Variants in RASGRF1 observed in about 807,000 individuals in gnomAD.
The protein encoded by RASGRF1 is Ras protein specific guanine nucleotide releasing factor 1.
Under a neutral mutation model 138.7 loss-of-function variants are expected in RASGRF1, and 40 were observed. That is an observed-to-expected ratio of 0.29 (90% CI 0.22 to 0.38). RASGRF1 has a LOEUF of 0.38. RASGRF1 is among the 10% of genes least tolerant of loss of function. RASGRF1 has a pLI of 1.00. For missense variants in RASGRF1, 1,108 were observed against 1,650.4 expected, an observed-to-expected ratio of 0.67 and a Z score of 5.69; for synonymous variants, 614 against 663.2, an observed-to-expected ratio of 0.93 and a Z score of 1.14.
chr15:78,988,405 TTA>T (rs1392062456), intron 22 of RASGRF1, among the ~76,000 whole-genome samples: 1 of 152,118 alleles, frequency 6.6e-6, no homozygotes, highest in Non-Finnish European at 1.5e-5. Context: ...CTCTGTCAGG[TTA>T]TGTTTCCCGA....
rs1390495758 is a variant in RASGRF1, at chr15:78,998,167, G to A, written c.2895C>T (p.Gly965=). 5.6e-6 allele frequency: 9 copies of A among 1,614,158 alleles called. No homozygotes were observed. Among genetic ancestry groups the A allele is most frequent in the African/African-American group, 5.3e-5 (4 of 75,044 alleles). The stretch of plus-strand genomic sequence containing the variant: ...GGTCGTGCATGACTTCTTCCAGGAA[G>A]CCGATCACCTTGCATTTGAGCTCAT... ...TNDELKCKVI[G]FLEEVMHDPE... is the part of the protein sequence containing the mutation. The change falls in exon 19 of 27, where the codon GGC becomes GGT. Residue 965 remains glycine (G), a synonymous_variant. Coordinates refer to ENST00000558480, the MANE Select transcript of RASGRF1 (RefSeq NM_001145648.3).
Position 79,032,246 on chromosome 15 carries a change from G to A in RASGRF1, c.1029C>T (p.Ser343=). 6.2e-7 allele frequency: 1 copy of A among 1,614,086 alleles called. No individual in the cohort carries two copies. ...YQEFVRNHQY[S]LQILAHCKQN... is the part of the protein sequence containing the mutation. ...GCTTGCAGTGGGCCAGGATCTGCAG[G>A]CTGTACTGGTGGTTGCGGACGAACT... The change falls in exon 7 of 27, where the codon AGC becomes AGT. Residue 343 remains serine (S), a synonymous_variant. Coordinates refer to ENST00000558480, the MANE Select transcript of RASGRF1 (RefSeq NM_001145648.3). The surrounding 1 kb of genome is among the most constrained non-coding windows in gnomAD (Gnocchi z 4.5).
intron 12 of RASGRF1, among the ~76,000 whole-genome samples, chr15:79,016,218 G>A (rs981111343): frequency 6.6e-6 from 1 of 152,218 alleles, no homozygotes; most frequent in Non-Finnish European, 1.5e-5. Context: ...TTTTGAGAAT[G>A]TGTGTGTTGC....
At chr15:79,063,010 C>A (rs2057629062) in intron 2 of RASGRF1, among the ~76,000 whole-genome samples, 1 of 152,172 alleles carries the variant, frequency 6.6e-6, no homozygotes, top group Non-Finnish European at 1.5e-5. Flanking sequence ...TTAAGTCTGA[C>A]TCCCAATCCC....
chr15:79,053,649 T>C (rs2057463538), intron 3 of RASGRF1, among the ~76,000 whole-genome samples: 1 of 152,144 alleles, frequency 6.6e-6, no homozygotes, highest in African/African-American at 2.4e-5. Flanking sequence ...CAGCAGTGGA[T>C]TGATTGTTTT....
Position 79,046,949 on chromosome 15 carries a change from G to C in RASGRF1, c.675C>G (p.Ile225Met). 1.2e-6 allele frequency: 2 copies of C among 1,613,934 alleles called. No individual in the cohort carries two copies. The highest frequency in any genetic ancestry group is 1.7e-6 in the Non-Finnish European group (2 of 1,179,930). ...GWLCRRKWKT[I>M]IQDYIRSPHA... ...GGGGTGACCGGATGTAGTCCTGGATGATGGTCTTCCACTTCCGCCGGCACA... is the reference window on the plus strand; with the variant it reads ...GGGGTGACCGGATGTAGTCCTGGATCATGGTCTTCCACTTCCGCCGGCACA... The change falls in exon 5 of 27, where the codon ATC becomes ATG. Residue 225 changes from isoleucine to methionine, a missense_variant. Ile to Met is a conservative substitution (Grantham distance 10). Around this residue, in one of 3 missense-constraint regions of RASGRF1, gnomAD observed 253 missense variants for 329.5 expected, o/e 0.77. Transcript: ENST00000558480. This position sits in a 1 kb window ranked among gnomAD's most constrained non-coding sequence, Gnocchi z 5.3.
chr15:79,047,733 G>GAC (rs144913729), intron 4 of RASGRF1, among the ~76,000 whole-genome samples: 4 of 151,980 alleles, frequency 2.6e-5, no homozygotes, highest in Admixed American at 6.6e-5. Flanking sequence ...GGCCTTGATT[G>GAC]ACACACACAC....
chr15:79,081,210 G>A (rs1317815119), intron 1 of RASGRF1, among the ~76,000 whole-genome samples: 1 of 152,236 alleles, frequency 6.6e-6, no homozygotes, highest in Non-Finnish European at 1.5e-5. Flanking sequence ...AGGGCATGGG[G>A]CTGCAGAGTC....
At chr15:79,016,323 C>T (rs1280107544) in intron 12 of RASGRF1, among the ~76,000 whole-genome samples, 1 of 152,360 alleles carries the variant, frequency 6.6e-6, no homozygotes, top group Non-Finnish European at 1.5e-5. Flanking sequence ...GGCAAGGCCA[C>T]GACCCCAAAG....
At chr15:78,977,230 T>C (rs547830504) in intron 24 of RASGRF1, among the ~76,000 whole-genome samples, 21 of 152,238 alleles carry the variant, frequency 1.4e-4, no homozygotes, top group African/African-American at 4.8e-4. Context: ...GCCCTGGCTG[T>C]GGGATGGGCT....
intron 17 of RASGRF1, 39 bp from the exon 18 acceptor site, chr15:78,998,864 A>G: frequency 6.6e-7 from 1 of 1,523,192 alleles, no homozygotes; most frequent in African/African-American, 1.4e-5. Flanking sequence ...AGGACAGGTG[A>G]GGACAAGAAA....
chr15:79,017,268 G>C (rs1450717260), intron 12 of RASGRF1, among the ~76,000 whole-genome samples: 1 of 152,200 alleles, frequency 6.6e-6, no homozygotes, highest in African/African-American at 2.4e-5. Flanking sequence ...CATAATTGAG[G>C]CTGGGTTTGA....
rs755533934 is a variant in RASGRF1, at chr15:79,006,247, T to C, written c.2014A>G (p.Ile672Val). ...GTAATGAGCTTGTCCAGGACCACGA[T>C]GGCGGTGGTGAAGACGCGGTAGGAG... ...LHSYRVFTTA[I>V]VVLDKLITIY... The change falls in exon 14 of 27, where the codon ATC becomes GTC. Residue 672 changes from isoleucine (I) to valine (V), a missense_variant. Around this residue, in one of 3 missense-constraint regions of RASGRF1, gnomAD observed 686 missense variants for 976.7 expected, o/e 0.70. Coordinates refer to ENST00000558480, the MANE Select transcript of RASGRF1 (RefSeq NM_001145648.3). The surrounding 1 kb of genome is among the most constrained non-coding windows in gnomAD (Gnocchi z 4.0). 1.7e-5 allele frequency: 27 copies of C among 1,614,040 alleles called. No homozygotes were observed. Among genetic ancestry groups the C allele is most frequent in the African/African-American group, 2.7e-5 (2 of 74,908 alleles).
rs892241385 is a variant in RASGRF1 at position 79,090,594 on chromosome 15, C to T, written c.-96G>A. On this transcript the variant is annotated 5_prime_UTR_variant, in exon 1 of 27. Coordinates refer to ENST00000558480, the MANE Select transcript of RASGRF1 (RefSeq NM_001145648.3). ...CTGCGCGCTGCCTCTCTCTGGCGCT[C>T]GCTCGCTCGCTCCCTCTAGCTCTCC... is the stretch of plus-strand genomic sequence containing the variant. 1 of 1,518,508 alleles carries T rather than the reference C, an allele frequency of 6.6e-7. No homozygotes were observed. Among genetic ancestry groups the T allele is most frequent in the Admixed American group, 1.8e-5 (1 of 56,288 alleles). 94.1% of individuals were successfully genotyped at this position (1,518,508 alleles called of 1,614,324 possible).
chr15:78,984,817 T>C, intron 23 of RASGRF1, 190 bp downstream of exon 23: 1 of 639,876 alleles, frequency 1.6e-6, no homozygotes, highest in South Asian at 1.8e-5. Context: ...CAGGTCTCAC[T>C]GCCATATCTG....
At chr15:79,055,006 T>C (rs993896071) in intron 3 of RASGRF1, among the ~76,000 whole-genome samples, 2 of 152,112 alleles carry the variant, frequency 1.3e-5, no homozygotes, top group Admixed American at 6.5e-5. Flanking sequence ...CAGGCAACAC[T>C]GTCATTCCTG....
rs1024924065 is a variant in RASGRF1, at chr15:79,073,493, G to C, written c.277-8967C>G. Among the ~76,000 whole-genome samples, 1 of 152,124 alleles carries C rather than the reference G, an allele frequency of 6.6e-6. No homozygotes were observed. The highest frequency in any genetic ancestry group is 1.5e-5 in the Non-Finnish European group (1 of 68,028). On this transcript the variant is annotated intron_variant, in intron 1 of 26. Coordinates refer to ENST00000558480, the MANE Select transcript of RASGRF1 (RefSeq NM_001145648.3). This position sits in a 1 kb window ranked among gnomAD's most constrained non-coding sequence, Gnocchi z 4.2. ...AGCTATAAGGAGACCACCTGGAGTC[G>C]GGGTTGTGAGAGACGAGAAGGGCAG...
intron 1 of RASGRF1, among the ~76,000 whole-genome samples, chr15:79,070,181 T>C (rs2057736185): frequency 6.6e-6 from 1 of 152,286 alleles, no homozygotes; most frequent in Admixed American, 6.5e-5. Flanking sequence ...GGGATATGCT[T>C]GTGTGTCCCG....
chr15:78,999,822 G>A lies in RASGRF1; in HGVS notation c.2667C>T (p.Ala889=), dbSNP rs780123164. The change falls in exon 17 of 27, where the codon GCC becomes GCT. Residue 889 remains alanine, a synonymous_variant. Coordinates refer to ENST00000558480, the MANE Select transcript of RASGRF1 (RefSeq NM_001145648.3). Reference sequence around the variant, plus strand: ...TGGCCCCGGCGGTTGCTATGGCAAAGGCAGAGGCGGCCGACAAGGCACTGC... The same window carrying A: ...TGGCCCCGGCGGTTGCTATGGCAAAAGCAGAGGCGGCCGACAAGGCACTGC... ...NNRSALSAAS[A]FAIATAGANE... is the part of the protein sequence containing the mutation. 21 of 1,614,086 alleles carry A rather than the reference G, an allele frequency of 1.3e-5. No individual in the cohort carries two copies. The highest frequency in any genetic ancestry group is 1.1e-5 in the South Asian group (1 of 91,092).
Sources: gnomAD v4.1 joint callset for allele counts (sites outside exome capture counted in the v4.1 genomes callset) on GRCh38, gnomAD v4.1.1 for gene constraint, gnomAD v4.1.1 regional missense constraint, Gnocchi (gnomAD v3.1) non-coding constraint, MANE v1.5 for transcripts, NCBI Gene and HGNC (gene_info 2026-07-23, HGNC 2026-07-21) for gene names.